The following ZNF362 variants were observed in gnomAD, a reference collection of about 807,000 sequenced individuals.
The protein encoded by ZNF362 is zinc finger protein 362, also known as rotund homolog.
Under a neutral mutation model 42.9 loss-of-function variants are expected in ZNF362, and 11 were observed. The ratio of observed to expected loss-of-function variants is 0.26; its 90% CI spans 0.16 to 0.42. The LOEUF (loss-of-function observed/expected upper bound fraction) is 0.42. Ranked by LOEUF, ZNF362 falls within the 20% of genes least tolerant of loss-of-function variation. The probability of loss-of-function intolerance (pLI) is 1.00; values close to 1 mark genes in which losing one functional copy is unlikely to be tolerated. For synonymous variants in ZNF362, 255 were observed against 257.3 expected, an observed-to-expected ratio of 0.99 and a Z score of 0.09; for missense variants, 362 against 576.2, an observed-to-expected ratio of 0.63 and a Z score of 3.81.
the ZNF362 span, chr1:33,147,491 C>T: frequency 1.6e-5 from 26 of 1,612,550 alleles, no homozygotes; most frequent in East Asian, 2.0e-4. The surrounding 1 kb of genome is among the most constrained non-coding windows in gnomAD (Gnocchi z 8.1). Context: ...TTGCGGCTTG[C>T]GGCTTCGTGT....
At chr1:33,157,633 G>C in the ZNF362 span, among the ~76,000 whole-genome samples, 119 of 152,134 alleles carry the variant, frequency 7.8e-4, 1 homozygote, top group Non-Finnish European at 1.4e-3. Context: ...CCAGCACCTA[G>C]AACAGTTCCT....
At chr1:33,181,650 C>T in the ZNF362 span, 16 of 822,376 alleles carry the variant, frequency 1.9e-5, no homozygotes, top group East Asian at 6.1e-5. This position sits in a 1 kb window ranked among gnomAD's most constrained non-coding sequence, Gnocchi z 6.5. Context: ...CCCGGGAGGG[C>T]AGTCTAGAGG....
the ZNF362 span, among the ~76,000 whole-genome samples, chr1:33,139,224 C>G: frequency 6.6e-6 from 1 of 152,154 alleles, no homozygotes; most frequent in African/African-American, 2.4e-5. Context: ...CAGTGAGGGT[C>G]GCTCTGGGGG....
chr1:33,167,563 C>T, the ZNF362 span, among the ~76,000 whole-genome samples: 1 of 152,184 alleles, frequency 6.6e-6, no homozygotes, highest in Non-Finnish European at 1.5e-5. This position sits in a 1 kb window ranked among gnomAD's most constrained non-coding sequence, Gnocchi z 4.2. Flanking sequence ...TCTCCATATA[C>T]CTCACACCCA....
At chr1:33,173,940 A>T in the ZNF362 span, among the ~76,000 whole-genome samples, 1 of 152,076 alleles carries the variant, frequency 6.6e-6, no homozygotes, top group Non-Finnish European at 1.5e-5. Flanking sequence ...TTCTGGCCTC[A>T]AATGATCCTC....
the ZNF362 span, chr1:33,176,305 C>T: frequency 3.4e-6 from 2 of 587,594 alleles, no homozygotes; most frequent in Non-Finnish European, 6.4e-6. Context: ...GGTGTCACCC[C>T]CTCTCCTGGA....
the ZNF362 span, among the ~76,000 whole-genome samples, chr1:33,166,783 A>G: frequency 5.9e-5 from 9 of 152,206 alleles, no homozygotes; most frequent in Admixed American, 3.3e-4. Flanking sequence ...AAATAAAAAC[A>G]CAATCAGCCT....
the ZNF362 span, among the ~76,000 whole-genome samples, chr1:33,193,022 T>C: frequency 8.4e-4 from 117 of 139,248 alleles, 1 homozygote; most frequent in African/African-American, 2.7e-3. Flanking sequence ...TATATATATA[T>C]ACGCATATAT....
At chr1:33,147,459 G>A in the ZNF362 span, 5 of 1,613,924 alleles carry the variant, frequency 3.1e-6, no homozygotes, top group Non-Finnish European at 4.2e-6. This position sits in a 1 kb window ranked among gnomAD's most constrained non-coding sequence, Gnocchi z 8.1. Flanking sequence ...AGCCGCGGCT[G>A]GGCTGGATCT....
upstream of ZNF362, among the ~76,000 whole-genome samples, chr1:33,254,247 C>T (rs913709544): frequency 6.6e-5 from 10 of 152,108 alleles, no homozygotes; most frequent in Non-Finnish European, 1.3e-4. Flanking sequence ...CTGCCTCAGA[C>T]TCCTGAGTAG....
intron 8 of ZNF362, among the ~76,000 whole-genome samples, chr1:33,296,125 G>A (rs1006415818): frequency 1.3e-5 from 2 of 152,208 alleles, no homozygotes; most frequent in African/African-American, 4.8e-5. Context: ...ACTGTTTGAC[G>A]GGAAATTGTG....
At chr1:33,157,713 C>T in the ZNF362 span, among the ~76,000 whole-genome samples, 22 of 151,562 alleles carry the variant, frequency 1.5e-4, no homozygotes, top group African/African-American at 5.3e-4. Context: ...GTCATTTCAT[C>T]TGGAGAATGG....
the ZNF362 span, among the ~76,000 whole-genome samples, chr1:33,235,120 A>G: frequency 1.3e-5 from 2 of 152,146 alleles, no homozygotes; most frequent in African/African-American, 2.4e-5. Context: ...TCTGTACCTT[A>G]GGACACTTGG....
At chr1:33,220,258 G>T in the ZNF362 span, among the ~76,000 whole-genome samples, 1 of 152,168 alleles carries the variant, frequency 6.6e-6, no homozygotes, top group Admixed American at 6.5e-5. Context: ...GCTAAGGCAG[G>T]ATTATAGACT....
intron 2 of ZNF362, chr1:33,275,354 C>T: frequency 1.0e-6 from 1 of 985,504 alleles, no homozygotes. Context: ...GACAGTTTGT[C>T]ACACACTTTT....
intron 6 of ZNF362, among the ~76,000 whole-genome samples, chr1:33,288,804 C>T (rs1054945945): frequency 3.2e-4 from 47 of 148,026 alleles, no homozygotes; most frequent in South Asian, 2.2e-4. Context: ...TTCCCATCGC[C>T]GCAGATGTGG....
chr1:33,195,885 A>G, the ZNF362 span: 1 of 152,114 alleles, frequency 6.6e-6, no homozygotes, highest in African/African-American at 2.4e-5. Context: ...AATTAACCTT[A>G]GCTTTCTGTA....
chr1:33,256,714 G>C (rs1207976546), intron 1 of ZNF362, 60 bp downstream of exon 1: 6 of 145,752 alleles, frequency 4.1e-5, no homozygotes, highest in African/African-American at 1.2e-4. Flanking sequence ...GCCTGCCCGC[G>C]GGAAAGTTGC....
the ZNF362 span, among the ~76,000 whole-genome samples, chr1:33,230,829 A>G: frequency 2.6e-5 from 4 of 152,234 alleles, no homozygotes; most frequent in African/African-American, 9.6e-5. Flanking sequence ...AGAAATAGGA[A>G]GGCCAGCACT....
Sources: gnomAD v4.1 joint callset for allele counts (sites outside exome capture counted in the v4.1 genomes callset) on GRCh38, gnomAD v4.1.1 for gene constraint, Gnocchi (gnomAD v3.1) non-coding constraint, MANE v1.5 for transcripts, NCBI Gene and HGNC (gene_info 2026-07-23, HGNC 2026-07-21) for gene names.